CRPPA: variants seen among roughly 807,000 people sequenced by gnomAD.
CRPPA encodes the protein CDP-L-ribitol pyrophosphorylase A.
Under a neutral mutation model 52.0 loss-of-function variants are expected in CRPPA, and 43 were observed. The observed-to-expected ratio is 0.83, with a 90% CI of 0.65 to 1.07. The LOEUF (loss-of-function observed/expected upper bound fraction) is 1.07. Among genes scored for constraint, CRPPA ranks in the 50% least tolerant of loss-of-function variants. The pLI, the probability that CRPPA is intolerant of heterozygous loss-of-function variation, is 0.00. For synonymous variants in CRPPA, 250 were observed against 203.5 expected (o/e 1.23, Z -1.94); for missense variants, 629 against 551.7 (o/e 1.14, Z -1.40).
intron 9 of CRPPA, among the ~76,000 whole-genome samples, chr7:16,094,585 A>ATG (rs976482094): frequency 8.1e-5 from 8 of 98,590 alleles, no homozygotes; most frequent in African/African-American, 1.3e-4. Flanking sequence ...GTGTGTGTGT[A>ATG]TGTGTGTGTG....
intron 6 of CRPPA, 85 bp from the exon 7 acceptor site, chr7:16,259,097 G>T: frequency 1.1e-6 from 1 of 887,254 alleles, no homozygotes; most frequent in Non-Finnish European, 1.7e-6. Context: ...ATAATTGCTA[G>T]AAGGCCCATA....
chr7:16,142,265 T>A (rs942670207), intron 9 of CRPPA, among the ~76,000 whole-genome samples: 4 of 152,238 alleles, frequency 2.6e-5, no homozygotes, highest in African/African-American at 9.6e-5. Flanking sequence ...GGTAAACTTG[T>A]GTCACAGAGG....
rs529910977 is a variant in CRPPA at position 16,342,657 on chromosome 7, G to C, written c.684+33435C>G. Among the ~76,000 whole-genome samples, 324 of 149,672 alleles carry C rather than the reference G, an allele frequency of 2.2e-3. 2 individuals carry two copies. The highest frequency in any genetic ancestry group is 6.9e-3 in the African/African-American group (280 of 40,866). ...AGGCCGGGCACAGTGGATCACACCA[G>C]TAATGCCAGCATTTTGGGAGGCTGA... On this transcript the variant is annotated intron_variant, in intron 3 of 9. Coordinates refer to ENST00000407010, the MANE Select transcript of CRPPA (RefSeq NM_001101426.4).
At chr7:16,302,474 C>T (rs1784810440) in intron 4 of CRPPA, among the ~76,000 whole-genome samples, 1 of 152,056 alleles carries the variant, frequency 6.6e-6, no homozygotes, top group African/African-American at 2.4e-5. Context: ...AATTCTATAT[C>T]ACAGAGCTGA....
intron 6 of CRPPA, chr7:16,276,633 C>G (rs1165277187): frequency 6.6e-6 from 1 of 152,150 alleles, no homozygotes; most frequent in African/African-American, 2.4e-5. Context: ...CCCATGAGCC[C>G]TCACTAGAGC....
chr7:16,161,645 G>GA (rs1780888988), intron 9 of CRPPA, among the ~76,000 whole-genome samples: 2 of 151,374 alleles, frequency 1.3e-5, no homozygotes, highest in African/African-American at 4.8e-5. Context: ...CTGAAATTTT[G>GA]TTTTTTTTGT....
chr7:16,296,705 G>GA (rs200784729), intron 5 of CRPPA, among the ~76,000 whole-genome samples: 35 of 145,080 alleles, frequency 2.4e-4, no homozygotes, highest in African/African-American at 6.2e-4. Flanking sequence ...AACAACAACA[G>GA]AAAAAAAACA....
chr7:16,248,046 G>A lies in CRPPA; in HGVS notation c.1119+10344C>T, dbSNP rs1783327409. 2.0e-5 allele frequency: 3 copies of A among 152,094 alleles called. No homozygotes were observed. The South Asian group carries it at 6.2e-4, about 32-fold the overall frequency. 9.4% of individuals were successfully genotyped at this position (152,094 alleles called of 1,614,324 possible). A position where few individuals can be genotyped will look rare whatever the true frequency, so the allele number is the denominator to read the frequency against. ...ATAGCAATGAACAGAAGAACTAACA[G>A]TTCAAAACTGAGGGCTAAGCGCAGT... is the stretch of plus-strand genomic sequence containing the variant. On this transcript the variant is annotated intron_variant, in intron 8 of 9. Coordinates refer to ENST00000407010, the MANE Select transcript of CRPPA (RefSeq NM_001101426.4).
intron 9 of CRPPA, among the ~76,000 whole-genome samples, chr7:16,209,813 A>T (rs904673428): frequency 6.6e-6 from 1 of 152,246 alleles, no homozygotes; most frequent in Non-Finnish European, 1.5e-5. Context: ...ATCTAAAAGC[A>T]TATGGCCATT....
intron 3 of CRPPA, among the ~76,000 whole-genome samples, chr7:16,328,488 G>C (rs142358555): frequency 1.7e-4 from 25 of 151,484 alleles, no homozygotes; most frequent in African/African-American, 6.1e-4. Flanking sequence ...CAGATAAATA[G>C]CTATCTCCAG....
chr7:16,117,570 T>G (rs1383391978), intron 9 of CRPPA, among the ~76,000 whole-genome samples: 7 of 152,130 alleles, frequency 4.6e-5, no homozygotes, highest in Non-Finnish European at 1.0e-4. Context: ...GCACACACCT[T>G]GCGGGAGCTA....
At chr7:16,342,763 CAAAAAAA>C (rs368521163) in intron 3 of CRPPA, among the ~76,000 whole-genome samples, 1,030 of 64,730 alleles carry the variant, frequency 0.016, 51 homozygotes, top group African/African-American at 0.048. Flanking sequence ...CCTGTCTCCA[CAAAAAAA>C]AAAAAAAAAA....
intron 6 of CRPPA, among the ~76,000 whole-genome samples, chr7:16,271,150 G>C (rs1457633551): frequency 1.3e-5 from 2 of 152,058 alleles, no homozygotes; most frequent in South Asian, 2.1e-4. Context: ...AGGAAGGAGT[G>C]GATAACCAAA....
intron 7 of CRPPA, among the ~76,000 whole-genome samples, 189 bp downstream of exon 7, chr7:16,258,731 C>A (rs1415295485): frequency 6.6e-6 from 1 of 151,876 alleles, no homozygotes; most frequent in Non-Finnish European, 1.5e-5. Flanking sequence ...AAATATTGTC[C>A]AAAATACCAC....
At chr7:16,351,237 TA>T (rs2128307808) in intron 3 of CRPPA, among the ~76,000 whole-genome samples, 1 of 152,278 alleles carries the variant, frequency 6.6e-6, no homozygotes, top group African/African-American at 2.4e-5. Flanking sequence ...AGCCCTTCTT[TA>T]AACCTTACAC....
intron 8 of CRPPA, among the ~76,000 whole-genome samples, chr7:16,230,583 G>C (rs1782766149): frequency 6.6e-6 from 1 of 151,926 alleles, no homozygotes. Context: ...CTTCAAGTTT[G>C]CTGAGCTTCC....
chr7:16,192,776 C>A (rs1312173815), intron 9 of CRPPA, among the ~76,000 whole-genome samples: 1 of 152,038 alleles, frequency 6.6e-6, no homozygotes, highest in Non-Finnish European at 1.5e-5. Context: ...AGCTCAATAC[C>A]CTCTAACAAA....
At chr7:16,352,727 G>A (rs562626674) in intron 3 of CRPPA, among the ~76,000 whole-genome samples, 2 of 152,192 alleles carry the variant, frequency 1.3e-5, no homozygotes, top group South Asian at 4.2e-4. Context: ...ATATGATCCA[G>A]CAATCCCACT....
intron 3 of CRPPA, among the ~76,000 whole-genome samples, chr7:16,362,153 C>T (rs1419234814): frequency 6.6e-6 from 1 of 152,200 alleles, no homozygotes; most frequent in African/African-American, 2.4e-5. Flanking sequence ...CGCGCTCGGC[C>T]TACAAAATAA....
Sources: gnomAD v4.1 joint callset for allele counts (sites outside exome capture counted in the v4.1 genomes callset) on GRCh38, gnomAD v4.1.1 for gene constraint, MANE v1.5 for transcripts, NCBI Gene and HGNC (gene_info 2026-07-23, HGNC 2026-07-21) for gene names.